MPRIP: variants seen among roughly 807,000 people sequenced by gnomAD.
The protein encoded by MPRIP is myosin phosphatase Rho interacting protein, also known as myosin phosphatase Rho-interacting protein.
A neutral mutation model predicts 234.9 loss-of-function variants in MPRIP; 59 were observed. The ratio of observed to expected loss-of-function variants is 0.25; its 90% CI spans 0.20 to 0.31. The LOEUF is 0.31. Ranked by LOEUF, MPRIP falls within the 10% of genes least tolerant of loss-of-function variation. MPRIP has a pLI of 1.00. For missense variants in MPRIP, 2,436 were observed against 3,071.0 expected (o/e 0.79, Z 4.89); for synonymous variants, 1,144 against 1,263.9 (o/e 0.91, Z 2.01).
chr17:17,170,669 A>AT (rs1164522307), intron 16 of MPRIP, among the ~76,000 whole-genome samples: 1 of 152,238 alleles, frequency 6.6e-6, no homozygotes, highest in Middle Eastern at 3.2e-3. Flanking sequence ...CCACACTTGA[A>AT]TTTGGAATGG....
At chr17:17,161,456 C>CA in intron 15 of MPRIP, 100 bp downstream of exon 15, 1 of 694,916 alleles carries the variant, frequency 1.4e-6, no homozygotes. Flanking sequence ...CTTGGCTGAG[C>CA]AGGGGTGTCT....
Position 17,176,373 on chromosome 17 carries a change from C to T in MPRIP, c.6871-53C>T, listed in dbSNP as rs916954340. The T allele has an allele frequency of 8.6e-6, 12 of 1,391,982 alleles. No homozygotes were observed. In the African/African-American group the frequency reaches 1.6e-4, roughly 18 times the overall value. 86.2% of individuals were successfully genotyped at this position (1,391,982 alleles called of 1,614,324 possible). ...CACGCTTCAGCCTGCTGTGGAGACTCTGGAGGTTTCTTTGCTCCTGAATAT... is the reference window on the plus strand; with the variant it reads ...CACGCTTCAGCCTGCTGTGGAGACTTTGGAGGTTTCTTTGCTCCTGAATAT... On this transcript the variant is annotated intron_variant, in intron 20 of 23. Coordinates refer to ENST00000651222, the MANE Select transcript of MPRIP (RefSeq NM_001364716.4).
chr17:17,163,481 C>T (rs1429082633), intron 15 of MPRIP, among the ~76,000 whole-genome samples: 1 of 152,174 alleles, frequency 6.6e-6, no homozygotes, highest in Non-Finnish European at 1.5e-5. Context: ...TTGTATCTTA[C>T]TCCATGGTTC....
chr17:17,167,282 G>A lies in MPRIP; in HGVS notation c.5691G>A (p.Lys1897=), dbSNP rs1262416504. ...LREEYEELLR[K]QKSEYLDVIA... ...AGGAGTATGAGGAGCTTCTCCGCAA[G>A]CAGAAGAGCGAGTACCTGGATGTGA... The change falls in exon 16 of 24, where the codon AAG becomes AAA. Residue 1897 remains lysine, a synonymous_variant. Coordinates refer to ENST00000651222, the MANE Select transcript of MPRIP (RefSeq NM_001364716.4). The surrounding 1 kb of genome is among the most constrained non-coding windows in gnomAD (Gnocchi z 5.9). The A allele has an allele frequency of 1.0e-5, 13 of 1,304,032 alleles. No individual in the cohort carries two copies. Among genetic ancestry groups the A allele is most frequent in the Non-Finnish European group, 1.2e-5 (12 of 988,948 alleles). 80.8% of individuals were successfully genotyped at this position (1,304,032 alleles called of 1,614,324 possible). A position where few individuals can be genotyped will look rare whatever the true frequency, so the allele number is the denominator to read the frequency against.
At chr17:17,102,858 G>C (rs1036233216) in intron 3 of MPRIP, among the ~76,000 whole-genome samples, 2 of 152,252 alleles carry the variant, frequency 1.3e-5, no homozygotes, top group African/African-American at 4.8e-5. Context: ...TGGACAGGCA[G>C]CTCCATGTAA....
intron 1 of MPRIP, among the ~76,000 whole-genome samples, chr17:17,069,572 G>C (rs1223345870): frequency 6.7e-6 from 1 of 148,912 alleles, no homozygotes; most frequent in Non-Finnish European, 1.5e-5. Context: ...AGTTTTTTAA[G>C]TGTATCTCTT....
In MPRIP at chr17:17,078,540, T is replaced by C. The variant is rs2089388681; in HGVS notation, c.267+464T>C. Among the ~76,000 whole-genome samples, 1 of 152,182 alleles carries C rather than the reference T, an allele frequency of 6.6e-6. No homozygotes were observed. The highest frequency in any genetic ancestry group is 1.5e-5 in the Non-Finnish European group (1 of 68,024). On this transcript the variant is annotated intron_variant, in intron 3 of 23. Transcript: ENST00000651222. The surrounding 1 kb of genome is among the most constrained non-coding windows in gnomAD (Gnocchi z 4.3). The stretch of plus-strand genomic sequence containing the variant: ...CTTGTCTCATTTGAGCTTGGCTTAG[T>C]TTTCCGAGCTGACTTCAGAGGCCTC...
intron 4 of MPRIP, among the ~76,000 whole-genome samples, chr17:17,127,841 G>A (rs1207845029): frequency 6.6e-6 from 1 of 152,240 alleles, no homozygotes. Flanking sequence ...GCCTGGCCAA[G>A]CCTGGTGAGT....
chr17:17,176,717 G>T (rs1007670331), intron 21 of MPRIP, among the ~76,000 whole-genome samples: 4 of 152,212 alleles, frequency 2.6e-5, no homozygotes, highest in African/African-American at 9.6e-5. Context: ...AACCTGCCTG[G>T]CCTGGCTCCA....
At chr17:17,096,022 A>G (rs889877919) in intron 3 of MPRIP, among the ~76,000 whole-genome samples, 2 of 151,690 alleles carry the variant, frequency 1.3e-5, no homozygotes, top group African/African-American at 4.9e-5. Context: ...TTATGGTCAT[A>G]TTAATTAGGG....
At position 17,158,974 on chromosome 17, in the gene MPRIP, A is replaced by C. The variant is rs2045802034; in HGVS notation, c.2372A>C (p.His791Pro). The change falls in exon 14 of 24, where the codon CAC (histidine) becomes CCC (proline). Residue 791 changes from histidine to proline, a missense_variant. Transcript: ENST00000651222. ...GATGGGGGTGACCGGCTCTCCACAC[A>C]CGAGCTGACCTCTCTGCTCGAGAAG... ...SEDGGDRLST[H>P]ELTSLLEKEL... 6.2e-7 allele frequency: 1 copy of C among 1,612,744 alleles called. No individual in the cohort carries two copies. The highest frequency in any genetic ancestry group is 8.5e-7 in the Non-Finnish European group (1 of 1,179,878).
chr17:17,059,435 A>G (rs2088805626), intron 1 of MPRIP, among the ~76,000 whole-genome samples: 1 of 152,226 alleles, frequency 6.6e-6, no homozygotes, highest in Non-Finnish European at 1.5e-5. Context: ...AAGTTGGGCC[A>G]TGGGCTTGAG....
chr17:17,126,673 C>CT, intron 3 of MPRIP, 29 bp from the exon 4 acceptor site: 2 of 1,596,222 alleles, frequency 1.3e-6, no homozygotes, highest in Non-Finnish European at 1.7e-6. Context: ...TGGCTGGCCT[C>CT]TGGGTGACTC....
chr17:17,062,058 G>C (rs889201047), intron 1 of MPRIP, among the ~76,000 whole-genome samples: 2 of 151,966 alleles, frequency 1.3e-5, no homozygotes, highest in African/African-American at 4.8e-5. Flanking sequence ...CAGAGATACT[G>C]CCTTGCCCTG....
chr17:17,131,903 T>C (rs187605107), intron 5 of MPRIP, among the ~76,000 whole-genome samples: 17 of 152,298 alleles, frequency 1.1e-4, no homozygotes, highest in Non-Finnish European at 1.5e-5. Flanking sequence ...CAGGGTGGCC[T>C]GCTAGTGTGC....
chr17:17,160,329 G>C (rs887022001), intron 14 of MPRIP, among the ~76,000 whole-genome samples: 2 of 152,164 alleles, frequency 1.3e-5, no homozygotes, highest in Non-Finnish European at 2.9e-5. Context: ...TCGCACCATC[G>C]TACTCCAGCC....
chr17:17,130,997 G>A (rs761839325), intron 4 of MPRIP, among the ~76,000 whole-genome samples: 36 of 152,166 alleles, frequency 2.4e-4, no homozygotes, highest in Non-Finnish European at 4.1e-4. Context: ...TCGTCCTGCT[G>A]GCAGCGCCTG....
In MPRIP at chr17:17,186,422, T is replaced by C. The variant is rs1264702181; in HGVS notation, c.*1528T>C. On this transcript the variant is annotated 3_prime_UTR_variant, in exon 24 of 24. Coordinates refer to ENST00000651222, the MANE Select transcript of MPRIP (RefSeq NM_001364716.4). ...TCAGACCCAGGTTTAGGTGCTCTCT[T>C]CTCACTGAAATAACTAAGTGCTCTC... 1 of 152,238 alleles carries C rather than the reference T, an allele frequency of 6.6e-6. No individual in the cohort carries two copies. Among genetic ancestry groups the C allele is most frequent in the Non-Finnish European group, 1.5e-5 (1 of 68,044 alleles). The allele number at this position is 152,238 out of a possible 1,614,324, so 9.4% of individuals were successfully genotyped here.
At chr17:17,055,036 C>T (rs953744652) in intron 1 of MPRIP, among the ~76,000 whole-genome samples, 8 of 149,278 alleles carry the variant, frequency 5.4e-5, no homozygotes, top group African/African-American at 9.9e-5. Context: ...GGTAATAGAA[C>T]GAGACCCTGT....
Sources: gnomAD v4.1 joint callset for allele counts (sites outside exome capture counted in the v4.1 genomes callset) on GRCh38, gnomAD v4.1.1 for gene constraint, Gnocchi (gnomAD v3.1) non-coding constraint, MANE v1.5 for transcripts, NCBI Gene and HGNC (gene_info 2026-07-23, HGNC 2026-07-21) for gene names.